PALM2AKAP2: variants seen among roughly 807,000 people sequenced by gnomAD.
The protein encoded by PALM2AKAP2 is PALM2 and AKAP2 fusion.
A neutral mutation model predicts 71.5 loss-of-function variants in PALM2AKAP2; 37 were observed. The observed-to-expected ratio is 0.52, with a 90% CI of 0.40 to 0.68. PALM2AKAP2 has a LOEUF of 0.68. PALM2AKAP2 is among the 30% of genes least tolerant of loss of function. The pLI is 0.00. For missense variants in PALM2AKAP2, 1,224 were observed against 1,191.8 expected (o/e 1.03, Z -0.40); for synonymous variants, 468 against 478.8 (o/e 0.98, Z 0.29).
rs1827517368 is a variant in PALM2AKAP2, at chr9:109,668,086, G to A, written c.5+27220G>A. On this transcript the variant is annotated intron_variant, in intron 1 of 6. Transcript: ENST00000374531. Reference sequence around the variant, plus strand: ...CAAGTAGCTGGGACTACAGGCGCCCGCCACTACGCCCGGCTAATTTTTTGT... The same window carrying A: ...CAAGTAGCTGGGACTACAGGCGCCCACCACTACGCCCGGCTAATTTTTTGT... Among the ~76,000 whole-genome samples the A allele has an allele frequency of 3.0e-5, 2 of 66,026 alleles. 1 individual carries two copies. Among genetic ancestry groups the A allele is most frequent in the Admixed American group, 2.6e-4 (2 of 7,794 alleles). The allele number at this position is 66,026 out of a possible 152,430, so 43.3% of individuals were successfully genotyped here. A position where few individuals can be genotyped will look rare whatever the true frequency, so the allele number is the denominator to read the frequency against.
At chr9:110,095,185 T>G (rs1412550346) in intron 1 of PALM2AKAP2, among the ~76,000 whole-genome samples, 1 of 152,228 alleles carries the variant, frequency 6.6e-6, no homozygotes, top group Non-Finnish European at 1.5e-5. Flanking sequence ...AAAGCAGCAG[T>G]TCCCTTGTGC....
chr9:110,029,532 A>C (rs1833241916), intron 7 of PALM2AKAP2, among the ~76,000 whole-genome samples: 1 of 152,224 alleles, frequency 6.6e-6, no homozygotes, highest in Non-Finnish European at 1.5e-5. Context: ...ACATTCCAGC[A>C]GTGAGAATGA....
intron 1 of PALM2AKAP2, among the ~76,000 whole-genome samples, chr9:109,822,627 G>T (rs1828039969): frequency 6.6e-6 from 1 of 152,118 alleles, no homozygotes; most frequent in Non-Finnish European, 1.5e-5. Context: ...AACATGTTGT[G>T]TTGGTTTTTG....
chr9:109,778,099 A>G (rs1829373748), upstream of PALM2AKAP2, among the ~76,000 whole-genome samples: 1 of 152,238 alleles, frequency 6.6e-6, no homozygotes, highest in Non-Finnish European at 1.5e-5. Context: ...TTTTAAGCAT[A>G]TGGTTTGATG....
intron 1 of PALM2AKAP2, among the ~76,000 whole-genome samples, chr9:109,758,060 A>G (rs1474148640): frequency 6.6e-6 from 1 of 152,080 alleles, no homozygotes; most frequent in Non-Finnish European, 1.5e-5. Flanking sequence ...GTCCAAGTAT[A>G]TACAAGCAAA....
intron 6 of PALM2AKAP2, among the ~76,000 whole-genome samples, chr9:109,948,334 A>G (rs1157747151): frequency 6.7e-6 from 1 of 150,304 alleles, no homozygotes; most frequent in East Asian, 1.9e-4. Context: ...ATTTTTATAT[A>G]ACTCAAGTAA....
At chr9:110,099,636 G>C (rs1048360082) in intron 1 of PALM2AKAP2, among the ~76,000 whole-genome samples, 1 of 152,162 alleles carries the variant, frequency 6.6e-6, no homozygotes, top group South Asian at 2.1e-4. Context: ...GCCCCCAGGG[G>C]GTGGAATTGT....
Position 110,156,479 on chromosome 9 carries a change from G to C in PALM2AKAP2, c.2730G>C (p.Glu910Asp), listed in dbSNP as rs1836461037. 3.7e-6 allele frequency: 6 copies of C among 1,609,204 alleles called. No individual in the cohort carries two copies. The highest frequency in any genetic ancestry group is 5.1e-6 in the Non-Finnish European group (6 of 1,177,870). The change falls in exon 3 of 4, where the codon GAG (glutamate) becomes GAC (aspartate). Residue 910 changes from glutamate to aspartate, a missense_variant. By Grantham distance (45) the Glu-to-Asp change is conservative. Coordinates refer to ENST00000374525, the Ensembl canonical transcript of PALM2AKAP2. ...AGACACACAAATCTAAAAGGCGCGAGAGAATGGATGATAGTAGTGTAAGTT... is the reference window on the plus strand; with the variant it reads ...AGACACACAAATCTAAAAGGCGCGACAGAATGGATGATAGTAGTGTAAGTT...
At chr9:109,885,311 A>C (rs141801848) in intron 3 of PALM2AKAP2, among the ~76,000 whole-genome samples, 1 of 152,348 alleles carries the variant, frequency 6.6e-6, no homozygotes, top group East Asian at 1.9e-4. Context: ...GAATGGAGGA[A>C]GGAAGGATGG....
At chr9:109,865,844 T>C (rs35417383) in intron 1 of PALM2AKAP2, among the ~76,000 whole-genome samples, 21,008 of 152,234 alleles carry the variant, frequency 0.14, 1,837 homozygotes, top group East Asian at 0.26. Context: ...AGATAGCAGC[T>C]GGACCAGGAA....
At chr9:109,680,699 A>C (rs1827714489) in intron 1 of PALM2AKAP2, among the ~76,000 whole-genome samples, 1 of 152,242 alleles carries the variant, frequency 6.6e-6, no homozygotes, top group Non-Finnish European at 1.5e-5. Context: ...AGCAAATAGA[A>C]TAACTAATTT....
chr9:110,163,296 G>A (rs1388768808), intron 3 of PALM2AKAP2, among the ~76,000 whole-genome samples: 2 of 151,986 alleles, frequency 1.3e-5, no homozygotes, highest in Admixed American at 1.3e-4. Flanking sequence ...TAGGTTCCAA[G>A]AATACAGCAG....
chr9:110,023,433 C>A (rs1833112507), intron 7 of PALM2AKAP2, among the ~76,000 whole-genome samples: 1 of 150,322 alleles, frequency 6.7e-6, no homozygotes, highest in Admixed American at 6.7e-5. Context: ...TCCTGCTAAG[C>A]CTCCTGAGTA....
At chr9:109,980,461 A>G (rs1292453896) in intron 6 of PALM2AKAP2, among the ~76,000 whole-genome samples, 1 of 152,214 alleles carries the variant, frequency 6.6e-6, no homozygotes, top group African/African-American at 2.4e-5. Context: ...CTCCTTTTGG[A>G]AACTGAGGCA....
At chr9:109,909,126 T>C (rs527973395) in intron 3 of PALM2AKAP2, among the ~76,000 whole-genome samples, 13 of 150,606 alleles carry the variant, frequency 8.6e-5, no homozygotes, top group African/African-American at 3.2e-4. Context: ...GAGTACCTCA[T>C]AGTAGATAAG....
In PALM2AKAP2 at chr9:109,932,087, C is replaced by A. The variant is rs1831117251; in HGVS notation, c.496+59C>A. 5 of 1,513,226 alleles carry A rather than the reference C, an allele frequency of 3.3e-6. No individual in the cohort carries two copies. The Admixed American group carries it at 9.0e-5, about 27-fold the overall frequency. 93.7% of individuals were successfully genotyped at this position (1,513,226 alleles called of 1,614,324 possible). On this transcript the variant is annotated intron_variant, in intron 6 of 9. Coordinates refer to the PALM2AKAP2 transcript ENST00000302798. ...TCCAAGGGGCTTGCATTTCACTGAGCTTTATTAATGAGATGAGTGCCCTGC... is the reference window on the plus strand; with the variant it reads ...TCCAAGGGGCTTGCATTTCACTGAGATTTATTAATGAGATGAGTGCCCTGC...
intron 1 of PALM2AKAP2, among the ~76,000 whole-genome samples, chr9:109,660,352 C>A (rs191542477): frequency 6.6e-6 from 1 of 152,126 alleles, no homozygotes; most frequent in Non-Finnish European, 1.5e-5. Flanking sequence ...CCCAACCCCC[C>A]CAACTCCCGA....
chr9:109,878,870 T>G (rs1424193717), intron 2 of PALM2AKAP2, among the ~76,000 whole-genome samples: 3 of 152,212 alleles, frequency 2.0e-5, no homozygotes, highest in Non-Finnish European at 4.4e-5. Context: ...CCCAAGTAGC[T>G]GGGATTACAG....
rs1234059570 is a variant in PALM2AKAP2 at position 109,928,111 on chromosome 9, A to G, written c.394+3029A>G. Among the ~76,000 whole-genome samples the G allele has an allele frequency of 1.3e-5, 2 of 152,144 alleles. 1 individual carries two copies. The highest frequency in any genetic ancestry group is 4.2e-4 in the South Asian group (2 of 4,812). On this transcript the variant is annotated intron_variant, in intron 5 of 9. Coordinates refer to the PALM2AKAP2 transcript ENST00000302798. ...AAGTTATGTGTTTGTTTGTTTGTTT[A>G]TTTATTTTGAGATGGAGTTTCACTC...
Sources: gnomAD v4.1 joint callset for allele counts (sites outside exome capture counted in the v4.1 genomes callset) on GRCh38, gnomAD v4.1.1 for gene constraint, MANE v1.5 for transcripts, NCBI Gene and HGNC (gene_info 2026-07-23, HGNC 2026-07-21) for gene names.